The following WNT9B variants were observed in gnomAD, a reference collection of about 807,000 sequenced individuals.
The protein encoded by WNT9B is protein Wnt-9b.
WNT9B carries 12 observed loss-of-function variants against 30.2 expected under a neutral mutation model. That is an observed-to-expected ratio of 0.40 (90% confidence interval 0.26 to 0.64). The LOEUF (loss-of-function observed/expected upper bound fraction) is 0.64, where lower values mean the gene tolerates loss of function less well. WNT9B is among the 30% of genes least tolerant of loss of function. The probability of loss-of-function intolerance (pLI) is 0.42; values close to 1 mark genes in which losing one functional copy is unlikely to be tolerated. For missense variants in WNT9B, 442 were observed against 485.2 expected (o/e 0.91, Z 0.84); for synonymous variants, 218 against 216.9 (o/e 1.01, Z -0.05).
intron 1 of WNT9B, among the ~76,000 whole-genome samples, chr17:46,863,373 C>T (rs931699025): frequency 4.6e-5 from 7 of 152,180 alleles, no homozygotes; most frequent in African/African-American, 1.4e-4. Flanking sequence ...GGGAGGAGCA[C>T]GCATCTGGAC....
intron 1 of WNT9B, among the ~76,000 whole-genome samples, chr17:46,836,011 A>G (rs2084624507): frequency 6.6e-6 from 1 of 151,604 alleles, no homozygotes; most frequent in South Asian, 2.1e-4. Flanking sequence ...GTGCCCACAC[A>G]TTCTGGATGG....
chr17:46,874,860 G>A (rs1009009956), intron 2 of WNT9B: 8 of 641,434 alleles, frequency 1.2e-5, no homozygotes, highest in African/African-American at 7.3e-5. Context: ...TTAGGGGCAC[G>A]AGCCACTGTG....
chr17:46,836,866 G>T lies in WNT9B; in HGVS notation c.95+3426G>T, dbSNP rs1401303709. On this transcript the variant is annotated intron_variant, in intron 1 of 2. Transcript: ENST00000575372. ...AGATGTGTGAATAAAGAATTTGGGG[G>T]ATTACAATTTTGGTTTGTAAATGAA... Among the ~76,000 whole-genome samples the T allele has an allele frequency of 2.0e-5, 3 of 152,186 alleles. No individual in the cohort carries two copies. In the East Asian group the frequency reaches 5.8e-4, roughly 29 times the overall value.
rs59862934 is a variant in WNT9B, at chr17:46,836,095, C to CGTGTGTGTGTGTGTGTGTGTGTGT, written c.95+2672_95+2695dup. Among the ~76,000 whole-genome samples the CGTGTGTGTGTGTGTGTGTGTGTGT allele has an allele frequency of 3.1e-3, 390 of 126,492 alleles. 9 individuals are homozygous for CGTGTGTGTGTGTGTGTGTGTGTGT. Among genetic ancestry groups the CGTGTGTGTGTGTGTGTGTGTGTGT allele is most frequent in the East Asian group, 0.015 (56 of 3,712 alleles). 83.0% of individuals were successfully genotyped at this position (126,492 alleles called of 152,430 possible). On this transcript the variant is annotated intron_variant, in intron 1 of 2. Transcript: ENST00000575372. ...GGAACAGCAGCTGGAGAGACGCTGACGTGTGTGTGTGTGTGTGTGTGTGTG... is the reference window on the plus strand; with the variant it reads ...GGAACAGCAGCTGGAGAGACGCTGACGTGTGTGTGTGTGTGTGTGTGTGTGTGTGTGTGTGTGTGTGTGTGTGTG...
Position 46,877,172 on chromosome 17 carries a change from T to C in WNT9B, c.*454T>C, listed in dbSNP as rs1172953708. The C allele has an allele frequency of 1.2e-6, 1 of 803,166 alleles. No homozygotes were observed. Among genetic ancestry groups the C allele is most frequent in the Admixed American group, 6.2e-5 (1 of 16,054 alleles). The allele number at this position is 803,166 out of a possible 1,614,324, so 49.8% of individuals were successfully genotyped here. On this transcript the variant is annotated 3_prime_UTR_variant, in exon 4 of 4. Transcript: ENST00000290015. ...CTGGAAGTGAAGGCGGGAGCCTGGC[T>C]GAGATGGGTCAATCGGGTCCTGTGG...
At chr17:46,840,016 T>TTTC (rs989299288) in intron 1 of WNT9B, among the ~76,000 whole-genome samples, 1 of 100,044 alleles carries the variant, frequency 1.0e-5, no homozygotes, top group East Asian at 6.4e-4. Flanking sequence ...TCTTTCTTTC[T>TTTC]TTCTTTCTTT....
upstream of WNT9B, among the ~76,000 whole-genome samples, chr17:46,848,015 AGAG>A (rs2084797096): frequency 1.3e-5 from 2 of 150,366 alleles, no homozygotes; most frequent in South Asian, 4.2e-4. Flanking sequence ...TGTGTGCACA[AGAG>A]GAGGAGAGGG....
chr17:46,870,908 T>TTA (rs1404375701), intron 1 of WNT9B, among the ~76,000 whole-genome samples: 2 of 145,356 alleles, frequency 1.4e-5, no homozygotes, highest in East Asian at 4.1e-4. Flanking sequence ...CCTTTGCTTT[T>TTA]TTTTTTTTTT....
At chr17:46,837,833 A>G (rs2084651818) in intron 1 of WNT9B, among the ~76,000 whole-genome samples, 1 of 152,178 alleles carries the variant, frequency 6.6e-6, no homozygotes, top group East Asian at 1.9e-4. Flanking sequence ...GCAAAAGGTT[A>G]CACCACATAT....
At chr17:46,845,407 G>T (rs146728941) in intron 1 of WNT9B, among the ~76,000 whole-genome samples, 1 of 151,938 alleles carries the variant, frequency 6.6e-6, no homozygotes, top group East Asian at 1.9e-4. Flanking sequence ...TGAGCCCAGT[G>T]CCCAAACAGA....
rs1340396658 is a variant in WNT9B at position 46,840,000 on chromosome 17, C to CTTTT, written c.95+6562_95+6563insTTTT. 1.1e-3 allele frequency among the ~76,000 whole-genome samples: 137 copies of CTTTT among 125,156 alleles called. 1 individual carries two copies. The highest frequency in any genetic ancestry group is 3.6e-3 in the African/African-American group (111 of 30,648). 82.1% of individuals were successfully genotyped at this position (125,156 alleles called of 152,430 possible). A position where few individuals can be genotyped will look rare whatever the true frequency, so the allele number is the denominator to read the frequency against. ...TCTCTTCTTTCTTTCTTTTTTCTTT[C>CTTTT]TTCTTTCTTTCTTTCTTTCTTTCTT... On this transcript the variant is annotated intron_variant, in intron 1 of 2. Transcript: ENST00000575372.
At position 46,872,523 on chromosome 17, in the gene WNT9B, C is replaced by T. The variant is rs779023636; in HGVS notation, c.84C>T (p.Thr28=). The T allele has an allele frequency of 1.7e-5, 26 of 1,539,104 alleles. No homozygotes were observed. Among genetic ancestry groups the T allele is most frequent in the South Asian group, 5.1e-5 (4 of 78,794 alleles). Residue 28 remains threonine, a synonymous_variant, in exon 2 of 4, where the codon ACC becomes ACT. Transcript: ENST00000290015. Reference sequence around the variant, plus strand: ...CTCCTCTCGCTCTCTCTAGCCTGACCGGGCGGGAAGTCCTGACGCCCTTCC... The same window carrying T: ...CTCCTCTCGCTCTCTCTAGCCTGACTGGGCGGGAAGTCCTGACGCCCTTCC... ...PAAAASYFGL[T]GREVLTPFPG...
chr17:46,854,161 T>C (rs941508472), intron 1 of WNT9B, among the ~76,000 whole-genome samples: 1 of 152,146 alleles, frequency 6.6e-6, no homozygotes, highest in Non-Finnish European at 1.5e-5. Flanking sequence ...GTTAAGTGTT[T>C]GGTCTCAGGG....
chr17:46,841,891 C>A (rs11867616), intron 1 of WNT9B, among the ~76,000 whole-genome samples: 1 of 152,292 alleles, frequency 6.6e-6, no homozygotes, highest in South Asian at 2.1e-4. Flanking sequence ...CGCTCCTCTG[C>A]GGTGTGTGGG....
chr17:46,856,930 C>T (rs1194009249), intron 1 of WNT9B, among the ~76,000 whole-genome samples: 1 of 152,168 alleles, frequency 6.6e-6, no homozygotes, highest in Non-Finnish European at 1.5e-5. Flanking sequence ...CCTCTCCCAC[C>T]AGCCCATGGC....
chr17:46,869,161 G>A (rs920398558), intron 1 of WNT9B, among the ~76,000 whole-genome samples: 4 of 152,128 alleles, frequency 2.6e-5, no homozygotes, highest in African/African-American at 7.2e-5. Flanking sequence ...GCCTCTGTGC[G>A]GTTGGCTACC....
chr17:46,838,856 G>A (rs2084665017), intron 1 of WNT9B, among the ~76,000 whole-genome samples: 1 of 151,930 alleles, frequency 6.6e-6, no homozygotes, highest in Non-Finnish European at 1.5e-5. Context: ...TGGTTTCCAG[G>A]GGCTTGTTTT....
chr17:46,874,597 A>C (rs1172754515), intron 2 of WNT9B, among the ~76,000 whole-genome samples: 3 of 152,114 alleles, frequency 2.0e-5, no homozygotes, highest in Non-Finnish European at 4.4e-5. Flanking sequence ...AATTTTTTTG[A>C]GACAAGGTCT....
At chr17:46,861,453 C>A (rs1215981655) in intron 1 of WNT9B, among the ~76,000 whole-genome samples, 3 of 152,226 alleles carry the variant, frequency 2.0e-5, no homozygotes, top group Admixed American at 2.0e-4. Context: ...ACTCCTTCAT[C>A]TTCTGCCTCC....
Sources: allele counts gnomAD v4.1 joint callset (sites outside exome capture counted in the v4.1 genomes callset), GRCh38; gene constraint gnomAD v4.1.1; transcripts MANE v1.5; gene names NCBI Gene and HGNC (gene_info 2026-07-23, HGNC 2026-07-21).